Variants in IFT74 observed in about 807,000 individuals in gnomAD.
IFT74 encodes the protein intraflagellar transport protein 74 homolog.
IFT74 carries 92 observed loss-of-function variants against 96.7 expected under a neutral mutation model. The ratio of observed to expected loss-of-function variants is 0.95; its 90% CI spans 0.80 to 1.13. IFT74 has a LOEUF of 1.13. Ranked by LOEUF, IFT74 falls within the 50% of genes most tolerant of loss-of-function variation. IFT74 has a pLI of 0.00. For missense variants in IFT74, 811 were observed against 698.2 expected (o/e 1.16, Z -1.82); for synonymous variants, 223 against 213.2 (o/e 1.05, Z -0.40).
exon 1 of IFT74, chr9:26,947,146 G>C (rs1825760748): frequency 5.3e-6 from 7 of 1,330,930 alleles, no homozygotes; most frequent in South Asian, 1.6e-5. Flanking sequence ...AGAGCCTGCA[G>C]GTAAGGGGCG....
Position 26,988,148 on chromosome 9 carries a change from C to T in IFT74, c.466-521C>T, listed in dbSNP as rs1333603161. On this transcript the variant is annotated intron_variant, in intron 6 of 19. Transcript: ENST00000380062. ...TGTATTTTTAGTAGAGACAGGGTTT[C>T]TCCATGTTGGTCAGGCTGTTCTTGA... 5.3e-5 allele frequency among the ~76,000 whole-genome samples: 8 copies of T among 152,040 alleles called. No homozygotes were observed. In the East Asian group the frequency reaches 1.5e-3, roughly 29 times the overall value.
Position 27,053,161 on chromosome 9 carries a change from CTTT to C in IFT74, c.1334-2424_1334-2422del, listed in dbSNP as rs58085385. ...TACAGGCGTGAGCACCGCGCCTGGCCTTTTTTTTTTTTTTTTTTTTTTTTTTAA... is the reference window on the plus strand; with the variant it reads ...TACAGGCGTGAGCACCGCGCCTGGCCTTTTTTTTTTTTTTTTTTTTTTTAA... On this transcript the variant is annotated intron_variant, in intron 16 of 19. Transcript: ENST00000380062. 2.4e-3 allele frequency among the ~76,000 whole-genome samples: 123 copies of C among 50,602 alleles called. 1 individual carries two copies. The highest frequency in any genetic ancestry group is 0.015 in the Middle Eastern group (1 of 66). 33.2% of individuals were successfully genotyped at this position (50,602 alleles called of 152,430 possible).
intron 13 of IFT74, among the ~76,000 whole-genome samples, chr9:27,036,205 G>T (rs897161944): frequency 2.0e-5 from 3 of 152,180 alleles, no homozygotes; most frequent in Non-Finnish European, 4.4e-5. Flanking sequence ...AGAGGAGGAA[G>T]AGTTTGGTCT....
chr9:27,012,032 A>G lies in IFT74; in HGVS notation c.789+64A>G, dbSNP rs914847808. 8.1e-6 allele frequency: 8 copies of G among 984,114 alleles called. No individual in the cohort carries two copies. In the African/African-American group the frequency reaches 1.0e-4, roughly 12 times the overall value. The allele number at this position is 984,114 out of a possible 1,614,324, so 61.0% of individuals were successfully genotyped here. On this transcript the variant is annotated intron_variant, in intron 10 of 19. Transcript: ENST00000380062. Reference sequence around the variant, plus strand: ...GCTAAAAAAGTTAATTCAGCCAAGTATATTAATATAACTAATTCAACTACA... The same window carrying G: ...GCTAAAAAAGTTAATTCAGCCAAGTGTATTAATATAACTAATTCAACTACA...
intron 10 of IFT74, among the ~76,000 whole-genome samples, chr9:27,015,789 T>C (rs1252870200): frequency 6.6e-6 from 1 of 152,202 alleles, no homozygotes; most frequent in Non-Finnish European, 1.5e-5. Flanking sequence ...ATCTGTAAAA[T>C]AGAGATGATA....
intron 4 of IFT74, among the ~76,000 whole-genome samples, chr9:26,982,833 G>A (rs562437184): frequency 6.6e-6 from 1 of 152,010 alleles, no homozygotes; most frequent in South Asian, 2.1e-4. Context: ...CTCAGGTAAT[G>A]CACCTGCCTA....
At chr9:27,012,663 C>T (rs1406626078) in intron 10 of IFT74, among the ~76,000 whole-genome samples, 1 of 147,046 alleles carries the variant, frequency 6.8e-6, no homozygotes, top group African/African-American at 2.5e-5. Flanking sequence ...ACAAAATGTG[C>T]ATATGGTTTA....
chr9:26,977,562 C>T (rs11788438), intron 2 of IFT74, among the ~76,000 whole-genome samples: 1 of 152,122 alleles, frequency 6.6e-6, no homozygotes, highest in Non-Finnish European at 1.5e-5. Context: ...GATCTCGGCT[C>T]ACTGCGGCCT....
intron 12 of IFT74, among the ~76,000 whole-genome samples, chr9:27,023,265 C>A (rs55728737): frequency 6.6e-6 from 1 of 152,086 alleles, no homozygotes; most frequent in South Asian, 2.1e-4. Context: ...TTTCAACTTT[C>A]CCCTGTTCAG....
intron 8 of IFT74, among the ~76,000 whole-genome samples, chr9:27,002,962 T>G (rs954231825): frequency 6.6e-6 from 1 of 152,192 alleles, no homozygotes; most frequent in Admixed American, 6.5e-5. Flanking sequence ...TTCAGTTTCT[T>G]TCATCAGTGT....
At position 27,034,000 on chromosome 9, in the gene IFT74, C is replaced by G. The variant is rs543777589; in HGVS notation, c.1054+4896C>G. On this transcript the variant is annotated intron_variant, in intron 13 of 19. Coordinates refer to ENST00000380062, the MANE Select transcript of IFT74 (RefSeq NM_025103.4). ...GTTAGGCCTGAATTTGTAGTACCACCGCGATCCACAAGATGGGGCTAATTT... is the reference window on the plus strand; with the variant it reads ...GTTAGGCCTGAATTTGTAGTACCACGGCGATCCACAAGATGGGGCTAATTT... Among the ~76,000 whole-genome samples the G allele has an allele frequency of 1.6e-3, 242 of 152,054 alleles. 2 individuals carry two copies. Among genetic ancestry groups the G allele is most frequent in the African/African-American group, 5.7e-3 (237 of 41,486 alleles).
chr9:26,975,812 T>A (rs1563944336), intron 2 of IFT74, among the ~76,000 whole-genome samples: 2 of 152,310 alleles, frequency 1.3e-5, no homozygotes, highest in South Asian at 2.1e-4. Flanking sequence ...ATTAGAGATT[T>A]CTTGCCTATC....
intron 13 of IFT74, among the ~76,000 whole-genome samples, chr9:27,034,686 A>G (rs577030079): frequency 6.6e-6 from 1 of 152,042 alleles, no homozygotes; most frequent in Non-Finnish European, 1.5e-5. Context: ...GCGCCACCAC[A>G]CCTGGCTAAT....
intron 2 of IFT74, among the ~76,000 whole-genome samples, chr9:26,963,949 C>T (rs1826488364): frequency 6.6e-6 from 1 of 152,026 alleles, no homozygotes; most frequent in East Asian, 1.9e-4. Context: ...TTTTGCTGTG[C>T]AGAAGCTCTT....
Position 26,962,107 on chromosome 9 carries a change from A to G in IFT74, c.120+20A>G, listed in dbSNP as rs754523825. The G allele has an allele frequency of 2.4e-5, 38 of 1,613,272 alleles. No individual in the cohort carries two copies. The African/African-American group carries it at 3.9e-4, about 16-fold the overall frequency. On this transcript the variant is annotated intron_variant, in intron 2 of 19. Coordinates refer to ENST00000380062, the MANE Select transcript of IFT74 (RefSeq NM_025103.4). ...ACTGCAGTAAGTTTGAAACAAATCT[A>G]TTTACTTTGGGAGGCCAAGGTGGGA...
At chr9:27,041,027 A>G (rs1307796374) in intron 13 of IFT74, among the ~76,000 whole-genome samples, 1 of 152,202 alleles carries the variant, frequency 6.6e-6, no homozygotes, top group Non-Finnish European at 1.5e-5. Flanking sequence ...TGGCTATAGC[A>G]GAGACTATAA....
intron 17 of IFT74, among the ~76,000 whole-genome samples, chr9:27,056,082 T>C (rs2131704054): frequency 6.6e-6 from 1 of 152,226 alleles, no homozygotes; most frequent in South Asian, 2.1e-4. Flanking sequence ...TGGCTTTCCA[T>C]TGCCATTTAC....
At chr9:26,987,479 A>G (rs1827690122) in intron 6 of IFT74, among the ~76,000 whole-genome samples, 1 of 152,218 alleles carries the variant, frequency 6.6e-6, no homozygotes, top group Admixed American at 6.5e-5. Context: ...TCATATAAAA[A>G]TACTACCATA....
At chr9:26,972,443 C>T (rs988389311) in intron 2 of IFT74, among the ~76,000 whole-genome samples, 1 of 152,152 alleles carries the variant, frequency 6.6e-6, no homozygotes, top group African/African-American at 2.4e-5. Flanking sequence ...CTGCCGGTTG[C>T]CTCCATGCTT....
Sources: gnomAD v4.1 joint callset for allele counts (sites outside exome capture counted in the v4.1 genomes callset) on GRCh38, gnomAD v4.1.1 for gene constraint, MANE v1.5 for transcripts, NCBI Gene and HGNC (gene_info 2026-07-23, HGNC 2026-07-21) for gene names.